The following IL4I1 variants were observed in gnomAD, a reference collection of about 807,000 sequenced individuals.
IL4I1 encodes L-amino-acid oxidase.
A neutral mutation model predicts 29.7 loss-of-function variants in IL4I1; 24 were observed. That is an observed-to-expected ratio of 0.81 (90% CI 0.59 to 1.14). The LOEUF is 1.14. IL4I1 is among the 50% of genes most tolerant of loss of function. The pLI is 0.00. For missense variants in IL4I1, 686 were observed against 785.6 expected (o/e 0.87, Z 1.52); for synonymous variants, 371 against 352.5 (o/e 1.05, Z -0.59).
At chr19:49,909,240 A>C in intron 2 of IL4I1, 1 of 1,614,004 alleles carries the variant, frequency 6.2e-7, no homozygotes, top group Non-Finnish European at 8.5e-7. Flanking sequence ...GCCGGAGTGA[A>C]GGGCAACGTG....
intron 2 of IL4I1, among the ~76,000 whole-genome samples, chr19:49,910,052 C>T (rs1568702897): frequency 6.6e-6 from 1 of 152,090 alleles, no homozygotes; most frequent in Non-Finnish European, 1.5e-5. Flanking sequence ...CACAAAAGCA[C>T]GCCCCAGGGG....
chr19:49,914,726 GTTTTTTTTTTTTTT>G lies in IL4I1; in HGVS notation c.-227-10419_-227-10406del, dbSNP rs530372497. Reference sequence around the variant, plus strand: ...GATTCTTGTGCCACTCCAAGTCCCAGTTTTTTTTTTTTTTTTTTTTTTTTTTTTTTTGAGATGGA... The same window carrying G: ...GATTCTTGTGCCACTCCAAGTCCCAGTTTTTTTTTTTTTTTTTGAGATGGA... On this transcript the variant is annotated intron_variant, in intron 2 of 9. Coordinates refer to the IL4I1 transcript ENST00000341114. 1.5e-3 allele frequency among the ~76,000 whole-genome samples: 87 copies of G among 56,406 alleles called. 2 individuals are homozygous for G. Among genetic ancestry groups the G allele is most frequent in the East Asian group, 0.011 (13 of 1,230 alleles). 37.0% of individuals were successfully genotyped at this position (56,406 alleles called of 152,430 possible).
chr19:49,896,033 C>G lies in IL4I1; in HGVS notation c.34G>C (p.Val12Leu). ...GCCACCAGGCTGAGGAGGATGGGGA[C>G]GAGGACGAGGAGGTGCAGGGCTGGG... ...APLALHLLVL[V>L]PILLSLVASQ... The change falls in exon 3 of 8, where the codon GTC becomes CTC. Residue 12 changes from valine to leucine, a missense_variant. By Grantham distance (32) the Val-to-Leu change is conservative (BLOSUM62 1). Coordinates refer to ENST00000391826, the MANE Select transcript of IL4I1 (RefSeq NM_152899.2). The G allele has an allele frequency of 6.2e-7, 1 of 1,613,974 alleles. No individual in the cohort carries two copies. The highest frequency in any genetic ancestry group is 8.5e-7 in the Non-Finnish European group (1 of 1,179,950).
At chr19:49,918,637 G>A (rs2075684087) in intron 2 of IL4I1, 1 of 151,916 alleles carries the variant, frequency 6.6e-6, no homozygotes, top group Non-Finnish European at 1.5e-5. Flanking sequence ...TGGAGACAAA[G>A]GAACAGGGTG....
At chr19:49,918,867 C>T (rs927240675) in intron 2 of IL4I1, among the ~76,000 whole-genome samples, 5 of 143,796 alleles carry the variant, frequency 3.5e-5, no homozygotes, top group South Asian at 2.2e-4. Context: ...CAGTGGCTCA[C>T]GCCTGCAATC....
At chr19:49,894,555 G>A (rs2075180953) in intron 4 of IL4I1, 86 bp from the exon 5 acceptor site, 1 of 1,068,316 alleles carries the variant, frequency 9.4e-7, no homozygotes, top group Non-Finnish European at 1.4e-6. Flanking sequence ...GGGGTGGGAG[G>A]GGAGAGTAGC....
chr19:49,906,979 A>G (rs1238290259), intron 2 of IL4I1: 1 of 153,280 alleles, frequency 6.5e-6, no homozygotes, highest in East Asian at 1.9e-4. Flanking sequence ...GTAACTGACT[A>G]GAGTTACTCT....
At chr19:49,909,134 A>G (rs1013570771) in intron 2 of IL4I1, 10 of 1,612,630 alleles carry the variant, frequency 6.2e-6, no homozygotes, top group East Asian at 2.2e-5. Context: ...AGCAGTTGCT[A>G]TTGACGCAAA....
intron 2 of IL4I1, among the ~76,000 whole-genome samples, chr19:49,912,555 C>T (rs547135722): frequency 6.6e-6 from 1 of 152,258 alleles, no homozygotes; most frequent in South Asian, 2.1e-4. Flanking sequence ...CATACTGATC[C>T]AGCCCTGATC....
At chr19:49,890,928 T>TGGGGGGGG in intron 7 of IL4I1, 43 bp downstream of exon 7, 2 of 633,198 alleles carry the variant, frequency 3.2e-6, no homozygotes, top group East Asian at 3.2e-5. Context: ...TTTCCCTGAT[T>TGGGGGGGG]GCCCCCCGCC....
chr19:49,923,524 C>T (rs889013310), intron 2 of IL4I1, among the ~76,000 whole-genome samples: 6 of 152,170 alleles, frequency 3.9e-5, no homozygotes, highest in Non-Finnish European at 7.3e-5. Context: ...CAGAAGCAGG[C>T]GTGGCGAGAA....
chr19:49,891,245 G>A, intron 6 of IL4I1, 138 bp from the exon 7 acceptor site: 2 of 1,439,338 alleles, frequency 1.4e-6, no homozygotes, highest in Admixed American at 1.9e-5. Flanking sequence ...ACAGATGAGG[G>A]AAACGGAGGT....
chr19:49,892,775 C>T (rs1348143864), intron 5 of IL4I1, among the ~76,000 whole-genome samples: 1 of 152,172 alleles, frequency 6.6e-6, no homozygotes, highest in East Asian at 1.9e-4. Context: ...ACTCCCAAAC[C>T]AGTCAGTGTC....
At chr19:49,898,950 G>A (rs2075245600), upstream of IL4I1, among the ~76,000 whole-genome samples, 1 of 152,232 alleles carries the variant, frequency 6.6e-6, no homozygotes, top group Admixed American at 6.5e-5. Flanking sequence ...TGGAGATGGC[G>A]AGAGGGTGGG....
intron 2 of IL4I1, among the ~76,000 whole-genome samples, chr19:49,906,118 T>C (rs1156340076): frequency 6.6e-6 from 1 of 152,110 alleles, no homozygotes; most frequent in Non-Finnish European, 1.5e-5. Flanking sequence ...ATTGGGCCCG[T>C]GTCTTTAGCC....
intron 2 of IL4I1, among the ~76,000 whole-genome samples, chr19:49,919,042 A>G (rs2075699293): frequency 6.6e-6 from 1 of 151,938 alleles, no homozygotes. Context: ...AATCCCAGCT[A>G]CTCGGGAGGC....
chr19:49,894,368 T>C lies in IL4I1; in HGVS notation c.467A>G (p.Asn156Ser). 6.2e-7 allele frequency: 1 copy of C among 1,614,236 alleles called. No individual in the cohort carries two copies. The highest frequency in any genetic ancestry group is 8.5e-7 in the Non-Finnish European group (1 of 1,180,048). The part of the protein sequence containing the change: ...WTEVHEVKLR[N>S]YVVEKVPEKL... ...CTCGGGCACCTTCTCCACCACATAG[T>C]TGCGCAGCTTCACTTCGTGCACCTC... The change falls in exon 5 of 8, where the codon AAC becomes AGC. Residue 156 changes from asparagine (N) to serine (S), a missense_variant. By Grantham distance (46) the Asn-to-Ser change is conservative. Coordinates refer to ENST00000391826, the MANE Select transcript of IL4I1 (RefSeq NM_152899.2).
At chr19:49,905,426 G>A (rs1304141615) in intron 2 of IL4I1, among the ~76,000 whole-genome samples, 1 of 152,120 alleles carries the variant, frequency 6.6e-6, no homozygotes. Context: ...GGGACAATAT[G>A]AGTCAAGGCC....
intron 2 of IL4I1, among the ~76,000 whole-genome samples, chr19:49,919,088 G>A (rs551306204): frequency 1.9e-4 from 29 of 151,806 alleles, no homozygotes; most frequent in African/African-American, 7.0e-4. Context: ...GGGAGGCGGA[G>A]GTTGCAGTGA....
Sources: gnomAD v4.1 joint callset for allele counts (sites outside exome capture counted in the v4.1 genomes callset) on GRCh38, gnomAD v4.1.1 for gene constraint, MANE v1.5 for transcripts, NCBI Gene and HGNC (gene_info 2026-07-23, HGNC 2026-07-21) for gene names.